The following PUS7 variants were observed in gnomAD, a reference collection of about 807,000 sequenced individuals.
PUS7 encodes the protein pseudouridylate synthase 7 homolog.
In PUS7, 48 loss-of-function variants were observed where a neutral mutation model predicts 79.8. The observed-to-expected ratio is 0.60, with a 90% CI of 0.48 to 0.76. The LOEUF is 0.76. Among genes scored for constraint, PUS7 ranks in the 30% least tolerant of loss-of-function variants. The pLI, the probability that PUS7 is intolerant of heterozygous loss-of-function variation, is 0.00. For missense variants in PUS7, 729 were observed against 797.6 expected, an observed-to-expected ratio of 0.91 and a Z score of 1.04; for synonymous variants, 286 against 272.2, an observed-to-expected ratio of 1.05 and a Z score of -0.50.
intron 9 of PUS7, among the ~76,000 whole-genome samples, chr7:105,476,933 T>G (rs1488203303): frequency 3.3e-5 from 5 of 152,216 alleles, no homozygotes; most frequent in Non-Finnish European, 7.3e-5. Flanking sequence ...AATTGGTTTT[T>G]CTTTGGTTGT....
intron 7 of PUS7, among the ~76,000 whole-genome samples, chr7:105,485,005 G>A (rs2133146345): frequency 6.6e-6 from 1 of 151,800 alleles, no homozygotes; most frequent in East Asian, 2.0e-4. Context: ...TGGGGCTACA[G>A]GCACACACCA....
At chr7:105,504,408 A>C (rs1191959538) in intron 4 of PUS7, among the ~76,000 whole-genome samples, 1 of 151,452 alleles carries the variant, frequency 6.6e-6, no homozygotes, top group African/African-American at 2.4e-5. Flanking sequence ...AATGAAAAAA[A>C]TCCACCAAAC....
At chr7:105,506,367 G>T in intron 2 of PUS7, 94 bp from the exon 3 acceptor site, 1 of 831,736 alleles carries the variant, frequency 1.2e-6, no homozygotes, top group Non-Finnish European at 1.9e-6. Flanking sequence ...TTACTATTAT[G>T]CAAAACAAGG....
At chr7:105,482,173 G>A (rs1824349773) in intron 8 of PUS7, 139 bp downstream of exon 8, 6 of 978,948 alleles carry the variant, frequency 6.1e-6, no homozygotes, top group Non-Finnish European at 7.6e-6. Flanking sequence ...GCCCTGCCAG[G>A]CCCTGCTCTG....
chr7:105,498,807 T>C (rs752522520), intron 5 of PUS7, among the ~76,000 whole-genome samples: 21 of 152,170 alleles, frequency 1.4e-4, no homozygotes, highest in Non-Finnish European at 3.1e-4. Flanking sequence ...TTTTTCTTTT[T>C]ATAGAGATGA....
intron 14 of PUS7, among the ~76,000 whole-genome samples, chr7:105,460,713 A>G (rs1320943618): frequency 6.6e-5 from 10 of 151,040 alleles, no homozygotes; most frequent in South Asian, 2.1e-4. Context: ...AATTAGCCGG[A>G]CGTGGTAGCG....
intron 9 of PUS7, among the ~76,000 whole-genome samples, chr7:105,476,011 C>T (rs904273059): frequency 2.0e-5 from 3 of 150,912 alleles, no homozygotes; most frequent in Non-Finnish European, 2.9e-5. Flanking sequence ...CGTGATAGCA[C>T]GTGTCAAAAT....
intron 8 of PUS7, among the ~76,000 whole-genome samples, chr7:105,481,948 TC>T (rs1320472274): frequency 1.3e-5 from 2 of 152,168 alleles, no homozygotes; most frequent in Non-Finnish European, 2.9e-5. Flanking sequence ...GCCAGGATGG[TC>T]TCGATCTCCT....
At chr7:105,489,775 A>G (rs1263465551) in intron 7 of PUS7, among the ~76,000 whole-genome samples, 1 of 152,214 alleles carries the variant, frequency 6.6e-6, no homozygotes, top group African/African-American at 2.4e-5. Flanking sequence ...ATTATGGGGT[A>G]AAGAGGAGAT....
intron 9 of PUS7, among the ~76,000 whole-genome samples, chr7:105,478,485 C>T (rs760632221): frequency 3.0e-4 from 45 of 152,296 alleles, no homozygotes; most frequent in Admixed American, 4.6e-4. Context: ...TTATTCTCTG[C>T]CTTTTTTATT....
In PUS7 at chr7:105,482,295, C is replaced by CACCTGCAGTTCTTT; in HGVS notation, c.1049+3_1049+16dup. 7 of 1,611,668 alleles carry CACCTGCAGTTCTTT rather than the reference C, an allele frequency of 4.3e-6. No individual in the cohort carries two copies. The highest frequency in any genetic ancestry group is 5.9e-6 in the Non-Finnish European group (7 of 1,178,476). ...GGCCAGACCCTCTGGTCTACATTCC[C>CACCTGCAGTTCTTT]ACCTGCAGTTCTTTACCTGAGAACA... On this transcript the variant is annotated intron_variant, in intron 8 of 15. Coordinates refer to ENST00000469408, the MANE Select transcript of PUS7 (RefSeq NM_019042.5).
chr7:105,515,547 AAAGAC>A lies in PUS7; in HGVS notation c.-33+6500_-33+6504del, dbSNP rs1825859799. ...TCTTTTTCTTGATATATCTAACTGA[AAAGAC>A]AAGAATAAACTAAACTCACTTTTAA... On this transcript the variant is annotated intron_variant, in intron 1 of 15. Coordinates refer to ENST00000469408, the MANE Select transcript of PUS7 (RefSeq NM_019042.5). Among the ~76,000 whole-genome samples, 3 of 152,206 alleles carry A rather than the reference AAAGAC, an allele frequency of 2.0e-5. No individual in the cohort carries two copies. The South Asian group carries it at 6.2e-4, about 31-fold the overall frequency.
chr7:105,476,711 T>C (rs1465319850), intron 9 of PUS7, among the ~76,000 whole-genome samples: 1 of 152,186 alleles, frequency 6.6e-6, no homozygotes, highest in Admixed American at 6.5e-5. Context: ...CTATACTGTT[T>C]TACATCCCCA....
Position 105,508,379 on chromosome 7 carries a change from T to G in PUS7, c.134A>C (p.Asp45Ala). The G allele has an allele frequency of 6.2e-7, 1 of 1,614,122 alleles. No individual in the cohort carries two copies. Residue 45 changes from aspartate to alanine, a missense_variant, in exon 2 of 16, where the codon GAT (aspartate) becomes GCT (alanine). Asp to Ala is a moderately radical substitution (Grantham distance 126). Transcript: ENST00000469408. ...LSECSLTKGQ[D>A]GLQNDFLSIS... ...GGACAGAAAGTCATTCTGTAGCCCA[T>G]CTTGACCTTTGGTTAGACTGCATTC...
Position 105,468,424 on chromosome 7 carries a change from G to T in PUS7, c.1438C>A (p.Gln480Lys). ...ACCATGTTATTCCACACATAGCTTT[G>T]GTAGCTATGAATATACATTAAGCGA... Reference protein sequence around the residue: ...NNRLMYIHSYQSYVWNNMVSK... With the variant: ...NNRLMYIHSYKSYVWNNMVSK... The change falls in exon 12 of 16, where the codon CAA (glutamine) becomes AAA (lysine). Residue 480 changes from glutamine to lysine, a missense_variant. Gln to Lys is a moderately conservative substitution (Grantham distance 53). Transcript: ENST00000469408. 2 of 1,611,010 alleles carry T rather than the reference G, an allele frequency of 1.2e-6. No homozygotes were observed. The highest frequency in any genetic ancestry group is 1.7e-6 in the Non-Finnish European group (2 of 1,177,550).
At chr7:105,503,927 C>T (rs924329345) in intron 4 of PUS7, among the ~76,000 whole-genome samples, 6 of 152,246 alleles carry the variant, frequency 3.9e-5, no homozygotes, top group African/African-American at 1.2e-4. Flanking sequence ...GCCACTGTGC[C>T]CAGCCCTTAT....
chr7:105,463,067 G>A (rs1432819140), intron 13 of PUS7, among the ~76,000 whole-genome samples: 1 of 152,160 alleles, frequency 6.6e-6, no homozygotes, highest in Admixed American at 6.5e-5. Context: ...CATTTTATAT[G>A]GGCTGAGAGT....
At chr7:105,472,702 T>A (rs539793313) in intron 9 of PUS7, among the ~76,000 whole-genome samples, 3 of 152,290 alleles carry the variant, frequency 2.0e-5, no homozygotes, top group African/African-American at 7.2e-5. Context: ...AATGTGATAA[T>A]AGTATAAATA....
intron 2 of PUS7, among the ~76,000 whole-genome samples, chr7:105,507,661 C>T (rs1456321406): frequency 2.6e-5 from 4 of 152,120 alleles, no homozygotes; most frequent in Non-Finnish European, 1.5e-5. Flanking sequence ...CCTGCCTCAG[C>T]CTCCCGAGTA....
Sources: gnomAD v4.1 joint callset for allele counts (sites outside exome capture counted in the v4.1 genomes callset) on GRCh38, gnomAD v4.1.1 for gene constraint, MANE v1.5 for transcripts, NCBI Gene and HGNC (gene_info 2026-07-23, HGNC 2026-07-21) for gene names.